EGFLAM: variants seen among roughly 807,000 people sequenced by gnomAD.
EGFLAM encodes pikachurin.
EGFLAM carries 79 observed loss-of-function variants against 113.1 expected under a neutral mutation model. The observed-to-expected ratio is 0.70, with a 90% CI of 0.58 to 0.84. The LOEUF is 0.84. Among genes scored for constraint, EGFLAM ranks in the 40% least tolerant of loss-of-function variants. EGFLAM has a pLI of 0.00. For synonymous variants in EGFLAM, 504 were observed against 487.6 expected, an observed-to-expected ratio of 1.03 and a Z score of -0.44; for missense variants, 1,265 against 1,291.6, an observed-to-expected ratio of 0.98 and a Z score of 0.32.
intron 5 of EGFLAM, among the ~76,000 whole-genome samples, chr5:38,367,253 C>A (rs1046306499): frequency 6.6e-6 from 1 of 151,148 alleles, no homozygotes; most frequent in African/African-American, 2.4e-5. Context: ...CTCAAGCAAT[C>A]CTCCCACCCC....
At chr5:38,453,791 A>G (rs1479343037) in intron 19 of EGFLAM, among the ~76,000 whole-genome samples, 8 of 152,072 alleles carry the variant, frequency 5.3e-5, no homozygotes, top group Admixed American at 5.2e-4. Context: ...TGTGGGTGGG[A>G]TGGTCCAACT....
Position 38,427,203 on chromosome 5 carries a change from G to T in EGFLAM, c.2005G>T (p.Gly669Cys). Residue 669 changes from glycine to cysteine, a missense_variant, in exon 14 of 22, where the codon GGC (glycine) becomes TGC (cysteine). Gly to Cys is a radical substitution (Grantham distance 159, BLOSUM62 -3). Transcript: ENST00000322350. ...KDFLSINLAG[G>C]HVEFRFDCGS... Reference sequence around the variant, plus strand: ...CTTCCTGTCCATCAACTTGGCAGGGGGCCACGTGGAGTTCCGCTTTGACTG... The same window carrying T: ...CTTCCTGTCCATCAACTTGGCAGGGTGCCACGTGGAGTTCCGCTTTGACTG... The T allele has an allele frequency of 6.2e-7, 1 of 1,614,152 alleles. No individual in the cohort carries two copies. The highest frequency in any genetic ancestry group is 8.5e-7 in the Non-Finnish European group (1 of 1,180,032).
intron 1 of EGFLAM, among the ~76,000 whole-genome samples, chr5:38,283,038 A>G (rs1758058095): frequency 6.6e-6 from 1 of 152,166 alleles, no homozygotes; most frequent in Admixed American, 6.5e-5. Context: ...AATTTTTAGT[A>G]GAGACGAGGT....
At chr5:38,403,320 A>G (rs1741176135) in intron 6 of EGFLAM, 1 of 154,944 alleles carries the variant, frequency 6.5e-6, no homozygotes, top group African/African-American at 2.4e-5. Flanking sequence ...TCACAGATAG[A>G]AGATTCATTC....
intron 1 of EGFLAM, among the ~76,000 whole-genome samples, chr5:38,263,271 G>A (rs552663164): frequency 6.6e-6 from 1 of 152,278 alleles, no homozygotes; most frequent in African/African-American, 2.4e-5. Flanking sequence ...AGACCAGCCT[G>A]GCCAACATGG....
intron 11 of EGFLAM, among the ~76,000 whole-genome samples, chr5:38,413,185 A>ATTTTTTTTTTTTTTTTTTTTTTTTT (rs34326457): frequency 9.9e-6 from 1 of 100,882 alleles, no homozygotes; most frequent in African/African-American, 3.9e-5. Flanking sequence ...TGCCTGGCTA[A>ATTTTTTTTTTTTTTTTTTTTTTTTT]TTTTTTTTTT....
intron 1 of EGFLAM, among the ~76,000 whole-genome samples, chr5:38,270,862 T>C (rs966280569): frequency 6.6e-6 from 1 of 152,234 alleles, no homozygotes; most frequent in Non-Finnish European, 1.5e-5. Context: ...CATTGTGGTC[T>C]ATAGAGTTTA....
intron 6 of EGFLAM, among the ~76,000 whole-genome samples, chr5:38,386,838 A>G (rs903152543): frequency 7.2e-5 from 11 of 152,184 alleles, no homozygotes; most frequent in African/African-American, 2.4e-4. Context: ...CTTTTTGAAA[A>G]GAGCTGAGAC....
intron 12 of EGFLAM, among the ~76,000 whole-genome samples, chr5:38,424,649 T>A (rs1741938746): frequency 6.6e-6 from 1 of 152,212 alleles, no homozygotes; most frequent in African/African-American, 2.4e-5. Context: ...GAGAGATGAA[T>A]TAAAGCAGAA....
Position 38,427,055 on chromosome 5 carries a change from C to T in EGFLAM, c.1857C>T (p.Tyr619=), listed in dbSNP as rs150214482. ...AGTTCAGAGAGTCTCTGAGATCTTA[C>T]GCTGCAACTCCCTGGCCACTGGAGC... ...IPQFRESLRS[Y]AATPWPLEPQ... Residue 619 remains tyrosine (Y), a synonymous_variant, in exon 14 of 22, where the codon TAC becomes TAT. Coordinates refer to ENST00000322350, the MANE Select transcript of EGFLAM (RefSeq NM_152403.4). 839 of 1,613,968 alleles carry T rather than the reference C, an allele frequency of 5.2e-4. 5 individuals carry two copies. Among genetic ancestry groups the T allele is most frequent in the Middle Eastern group, 1.6e-4 (1 of 6,084 alleles).
At chr5:38,437,999 G>A (rs1379497409) in intron 16 of EGFLAM, among the ~76,000 whole-genome samples, 6 of 151,286 alleles carry the variant, frequency 4.0e-5, no homozygotes, top group Non-Finnish European at 8.9e-5. Context: ...GCGGGTGCCT[G>A]TAATTCCAGC....
At position 38,412,495 on chromosome 5, in the gene EGFLAM, C is replaced by G. The variant is rs777640541; in HGVS notation, c.1350-9C>G. 1 of 1,614,130 alleles carries G rather than the reference C, an allele frequency of 6.2e-7. No homozygotes were observed. Among genetic ancestry groups the G allele is most frequent in the Non-Finnish European group, 8.5e-7 (1 of 1,180,010 alleles). ...CAAGAAATCTTCTTTTCCTTTTCCT[C>G]CCCAACAGGTTTAATTGTGGAACTG... On this transcript the variant is annotated splice_polypyrimidine_tract_variant and intron_variant, in intron 10 of 21. Coordinates refer to ENST00000322350, the MANE Select transcript of EGFLAM (RefSeq NM_152403.4).
intron 14 of EGFLAM, among the ~76,000 whole-genome samples, chr5:38,428,957 T>C (rs1255861795): frequency 6.6e-6 from 1 of 152,220 alleles, no homozygotes; most frequent in Admixed American, 6.5e-5. Flanking sequence ...CTCCTGAGCG[T>C]AAGCTAACAA....
chr5:38,433,652 C>T (rs1338061171), intron 15 of EGFLAM, among the ~76,000 whole-genome samples: 1 of 152,132 alleles, frequency 6.6e-6, no homozygotes. Context: ...TCCTAGCAGC[C>T]AGCTGCTCTG....
At chr5:38,277,957 A>G (rs1414310314) in intron 1 of EGFLAM, among the ~76,000 whole-genome samples, 1 of 152,202 alleles carries the variant, frequency 6.6e-6, no homozygotes, top group Non-Finnish European at 1.5e-5. Context: ...TAAAATGTCC[A>G]TAATACCCAA....
intron 6 of EGFLAM, among the ~76,000 whole-genome samples, chr5:38,384,191 T>C (rs539400775): frequency 1.3e-5 from 2 of 151,830 alleles, no homozygotes; most frequent in African/African-American, 4.8e-5. Flanking sequence ...AAAAAAGAGG[T>C]AGAGTGCCAA....
At chr5:38,330,505 T>C (rs992731350) in intron 1 of EGFLAM, among the ~76,000 whole-genome samples, 8 of 152,232 alleles carry the variant, frequency 5.3e-5, no homozygotes, top group African/African-American at 1.7e-4. Flanking sequence ...CTCTCTCTAA[T>C]AGAGCCATTG....
intron 1 of EGFLAM, among the ~76,000 whole-genome samples, chr5:38,308,405 T>TGGGATGTACCAA (rs1653865663): frequency 6.6e-6 from 1 of 152,202 alleles, no homozygotes. Flanking sequence ...TGCTGAAGGC[T>TGGGATGTACCAA]GGGATGTACC....
chr5:38,439,353 C>T (rs1302265126), intron 17 of EGFLAM, among the ~76,000 whole-genome samples: 1 of 150,130 alleles, frequency 6.7e-6, no homozygotes, highest in African/African-American at 2.5e-5. Context: ...CTTCATTTTT[C>T]AGTTTCAGTG....
Sources: allele counts gnomAD v4.1 joint callset (sites outside exome capture counted in the v4.1 genomes callset), GRCh38; gene constraint gnomAD v4.1.1; transcripts MANE v1.5; gene names NCBI Gene and HGNC (gene_info 2026-07-23, HGNC 2026-07-21).